HOXB3: variants seen among roughly 807,000 people sequenced by gnomAD.
The protein encoded by HOXB3 is homeobox B3.
Under a neutral mutation model 29.2 loss-of-function variants are expected in HOXB3, and 17 were observed. The observed-to-expected ratio is 0.58, with a 90% CI of 0.40 to 0.87. The LOEUF is 0.87. HOXB3 is among the 40% of genes least tolerant of loss of function. The pLI is 0.00. For synonymous variants in HOXB3, 317 were observed against 285.9 expected, an observed-to-expected ratio of 1.11 and a Z score of -1.10; for missense variants, 637 against 616.3, an observed-to-expected ratio of 1.03 and a Z score of -0.35.
At chr17:48,563,396 A>G (rs937630936) in intron 2 of HOXB3, among the ~76,000 whole-genome samples, 1 of 152,184 alleles carries the variant, frequency 6.6e-6, no homozygotes, top group Non-Finnish European at 1.5e-5. Flanking sequence ...TCACAAAGTG[A>G]TTCTGCAAAC....
chr17:48,569,591 T>C (rs1372133016), intron 2 of HOXB3, among the ~76,000 whole-genome samples: 1 of 152,164 alleles, frequency 6.6e-6, no homozygotes, highest in Admixed American at 6.5e-5. Context: ...AGGATTAAGG[T>C]TCCCTCCCCA....
At chr17:48,577,256 G>T (rs975751996) in intron 1 of HOXB3, among the ~76,000 whole-genome samples, 2 of 152,148 alleles carry the variant, frequency 1.3e-5, no homozygotes, top group Admixed American at 1.3e-4. Flanking sequence ...GGTGGGGAAG[G>T]GGGGCGTGTG....
intron 4 of HOXB3, among the ~76,000 whole-genome samples, chr17:48,551,439 T>C (rs1191680636): frequency 4.6e-5 from 7 of 152,114 alleles, no homozygotes; most frequent in Admixed American, 3.9e-4. Flanking sequence ...AATTTGATCA[T>C]GTCACGCAGA....
At chr17:48,573,033 T>C (rs114776346) in intron 2 of HOXB3, among the ~76,000 whole-genome samples, 1,840 of 152,196 alleles carry the variant, frequency 0.012, 37 homozygotes, top group African/African-American at 0.04. Flanking sequence ...GCCAACACAT[T>C]CAGGTCGGCT....
chr17:48,550,199 C>T lies in HOXB3; in HGVS notation c.*135G>A. The T allele has an allele frequency of 1.7e-6, 2 of 1,183,262 alleles. No individual in the cohort carries two copies. The highest frequency in any genetic ancestry group is 2.3e-6 in the Non-Finnish European group (2 of 852,806). 73.3% of individuals were successfully genotyped at this position (1,183,262 alleles called of 1,614,324 possible). On this transcript the variant is annotated 3_prime_UTR_variant, in exon 5 of 5. Transcript: ENST00000498678. Reference sequence around the variant, plus strand: ...CTCAGGCCAGGGGGAAGGGAAGGAGCTCCAGGCCGGTTCTGACCAGGAAGC... The same window carrying T: ...CTCAGGCCAGGGGGAAGGGAAGGAGTTCCAGGCCGGTTCTGACCAGGAAGC...
intron 1 of HOXB3, chr17:48,578,372 C>T: frequency 2.6e-6 from 4 of 1,568,126 alleles, no homozygotes; most frequent in Non-Finnish European, 3.4e-6. Context: ...CGACCCCTGA[C>T]TCGTTTTCCT....
chr17:48,573,794 T>A (rs1309428236), intron 2 of HOXB3, 43 bp downstream of exon 2: 2 of 691,518 alleles, frequency 2.9e-6, no homozygotes, highest in African/African-American at 3.5e-5. Context: ...AAAGAGCTCA[T>A]AAAACGATCA....
rs2068912652 is a variant in HOXB3 at position 48,555,147 on chromosome 17, G to T, written c.-159+384C>A. 2.6e-5 allele frequency among the ~76,000 whole-genome samples: 4 copies of T among 151,980 alleles called. No homozygotes were observed. The South Asian group carries it at 8.3e-4, about 32-fold the overall frequency. Reference sequence around the variant, plus strand: ...TAGCTGGGGAAGCCCCGAGAGAGGGGATAGGCCATCTTCCAGGACTTAAAA... The same window carrying T: ...TAGCTGGGGAAGCCCCGAGAGAGGGTATAGGCCATCTTCCAGGACTTAAAA... On this transcript the variant is annotated intron_variant, in intron 3 of 4. Transcript: ENST00000498678.
intron 2 of HOXB3, among the ~76,000 whole-genome samples, chr17:48,569,280 G>A (rs1337859348): frequency 6.6e-6 from 1 of 152,038 alleles, no homozygotes; most frequent in Non-Finnish European, 1.5e-5. Context: ...CCCTTCAGGA[G>A]GAGAAATTTT....
rs757435856 is a variant in HOXB3, at chr17:48,554,767, G to A, written c.-159+764C>T. 2.8e-6 allele frequency: 2 copies of A among 702,354 alleles called. No individual in the cohort carries two copies. Among genetic ancestry groups the A allele is most frequent in the South Asian group, 1.5e-5 (1 of 67,596 alleles). 43.5% of individuals were successfully genotyped at this position (702,354 alleles called of 1,614,324 possible). On this transcript the variant is annotated intron_variant, in intron 3 of 4. Transcript: ENST00000498678. The surrounding 1 kb of genome is among the most constrained non-coding windows in gnomAD (Gnocchi z 4.1). ...CAAGTTTTGGGAGCTGGAGGTAACCGAATTAAAAGGCGCCTTAGAAACTCC... is the reference window on the plus strand; with the variant it reads ...CAAGTTTTGGGAGCTGGAGGTAACCAAATTAAAAGGCGCCTTAGAAACTCC...
At position 48,551,137 on chromosome 17, in the gene HOXB3, T is replaced by C. The variant is rs1398512008; in HGVS notation, c.493A>G (p.Ser165Gly). ...GGGGGGGGGG[S>G]GGSGGGGGGG... The stretch of plus-strand genomic sequence containing the variant: ...CCGCCACCGCCCCCGCTGCCACCAC[T>C]GCCTCCGCCGCCGCCGCCACCGCCG... Residue 165 changes from serine to glycine, a missense_variant, in exon 5 of 5, where the codon AGT becomes GGT. By Grantham distance (56) the Ser-to-Gly change is moderately conservative (BLOSUM62 0). Coordinates refer to ENST00000498678, the MANE Select transcript of HOXB3 (RefSeq NM_001384749.1). 3.8e-6 allele frequency: 5 copies of C among 1,308,788 alleles called. No homozygotes were observed. The highest frequency in any genetic ancestry group is 4.9e-6 in the Non-Finnish European group (5 of 1,029,278). 81.1% of individuals were successfully genotyped at this position (1,308,788 alleles called of 1,614,324 possible). A position where few individuals can be genotyped will look rare whatever the true frequency, so the allele number is the denominator to read the frequency against.
Position 48,552,335 on chromosome 17 carries a change from T to C in HOXB3, c.140A>G (p.Tyr47Cys). 1 of 1,613,946 alleles carries C rather than the reference T, an allele frequency of 6.2e-7. No homozygotes were observed. Among genetic ancestry groups the C allele is most frequent in the Non-Finnish European group, 8.5e-7 (1 of 1,179,950 alleles). Residue 47 changes from tyrosine (Y) to cysteine (C), a missense_variant, in exon 4 of 5, where the codon TAC (tyrosine) becomes TGC (cysteine). Coordinates refer to ENST00000498678, the MANE Select transcript of HOXB3 (RefSeq NM_001384749.1). ...FQAATHLEGDYQRSACSLQSL... is the reference protein window; with the variant it reads ...FQAATHLEGDCQRSACSLQSL... ...CTGCAGCGAGCAAGCTGAGCGCTGG[T>C]AGTCGCCCTCCAGGTGCGTGGCGGC... is the stretch of plus-strand genomic sequence containing the variant.
chr17:48,550,673 C>A lies in HOXB3; in HGVS notation c.957G>T (p.Gln319His). 6.5e-7 allele frequency: 1 copy of A among 1,530,172 alleles called. No homozygotes were observed. The highest frequency in any genetic ancestry group is 8.8e-7 in the Non-Finnish European group (1 of 1,140,462). The allele number at this position is 1,530,172 out of a possible 1,614,324, so 94.8% of individuals were successfully genotyped here. Residue 319 changes from glutamine to histidine, a missense_variant, in exon 5 of 5, where the codon CAG becomes CAT. By Grantham distance (24) the Gln-to-His change is conservative. Coordinates refer to ENST00000498678, the MANE Select transcript of HOXB3 (RefSeq NM_001384749.1). Reference sequence around the variant, plus strand: ...CGGGCGCCGGGGTCGGAGGGTACTTCTGCGGGGCGCCGCAGCCTTTGAGAG... The same window carrying A: ...CGGGCGCCGGGGTCGGAGGGTACTTATGCGGGGCGCCGCAGCCTTTGAGAG... ...QPPLKGCGAP[Q>H]KYPPTPAPEY...
At chr17:48,572,616 A>G (rs576592858) in intron 2 of HOXB3, among the ~76,000 whole-genome samples, 1 of 152,310 alleles carries the variant, frequency 6.6e-6, no homozygotes, top group Admixed American at 6.5e-5. Context: ...TGGAGCCTGG[A>G]CTGCTGAAGG....
chr17:48,578,182 GCT>G (rs1242771185), intron 1 of HOXB3: 1 of 1,611,624 alleles, frequency 6.2e-7, no homozygotes, highest in Non-Finnish European at 8.5e-7. Flanking sequence ...GCTGGAAGCT[GCT>G]CTCTCGCCTC....
In HOXB3 at chr17:48,553,433, G is replaced by GC. The variant is rs2068843512; in HGVS notation, c.-158-802dup. 2.7e-5 allele frequency: 4 copies of GC among 150,728 alleles called. No individual in the cohort carries two copies. In the South Asian group the frequency reaches 8.3e-4, roughly 31 times the overall value. 9.3% of individuals were successfully genotyped at this position (150,728 alleles called of 1,614,324 possible). A position where few individuals can be genotyped will look rare whatever the true frequency, so the allele number is the denominator to read the frequency against. The stretch of plus-strand genomic sequence containing the variant: ...CGCCAGTTGGTGCTGTGACCATTTG[G>GC]CCCAGGTCTCTCCCCGGACCTCTTT... On this transcript the variant is annotated intron_variant, in intron 3 of 4. Coordinates refer to ENST00000498678, the MANE Select transcript of HOXB3 (RefSeq NM_001384749.1).
chr17:48,568,651 GGACA>G (rs982587235), intron 2 of HOXB3, among the ~76,000 whole-genome samples: 21 of 149,746 alleles, frequency 1.4e-4, no homozygotes, highest in African/African-American at 4.9e-4. Context: ...ACACACGCGC[GGACA>G]CACACACACA....
intron 2 of HOXB3, among the ~76,000 whole-genome samples, chr17:48,567,377 A>G (rs1302120342): frequency 6.6e-6 from 1 of 152,206 alleles, no homozygotes; most frequent in Non-Finnish European, 1.5e-5. Context: ...AATATCACAG[A>G]TAATCGTGGC....
chr17:48,568,603 C>T (rs1213502854), intron 2 of HOXB3, among the ~76,000 whole-genome samples: 3 of 151,784 alleles, frequency 2.0e-5, no homozygotes, highest in Non-Finnish European at 4.4e-5. Context: ...CCATAAACAA[C>T]ACAACTCGCT....
Sources: allele counts gnomAD v4.1 joint callset (sites outside exome capture counted in the v4.1 genomes callset), GRCh38; gene constraint gnomAD v4.1.1; non-coding constraint Gnocchi (gnomAD v3.1); transcripts MANE v1.5; gene names NCBI Gene and HGNC (gene_info 2026-07-23, HGNC 2026-07-21).